KIT: variants seen among roughly 807,000 people sequenced by gnomAD.
KIT encodes the protein KIT proto-oncogene, receptor tyrosine kinase.
A neutral mutation model predicts 105.7 loss-of-function variants in KIT; 16 were observed. The ratio of observed to expected loss-of-function variants is 0.15; its 90% CI spans 0.10 to 0.23. KIT has a LOEUF of 0.23. KIT is among the 10% of genes least tolerant of loss of function. The pLI, the probability that KIT is intolerant of heterozygous loss-of-function variation, is 1.00. For synonymous variants in KIT, 438 were observed against 441.1 expected (o/e 0.99, Z 0.09); for missense variants, 858 against 1,213.8 (o/e 0.71, Z 4.36).
intron 2 of KIT, chr4:54,696,000 C>G: frequency 1.7e-6 from 1 of 601,178 alleles, no homozygotes; most frequent in Non-Finnish European, 2.9e-6. Context: ...GACTGTGATA[C>G]TCTTCCTAAT....
chr4:54,689,552 AT>A (rs1719549087), intron 1 of KIT, among the ~76,000 whole-genome samples: 1 of 152,218 alleles, frequency 6.6e-6, no homozygotes, highest in South Asian at 2.1e-4. Context: ...GAAGCAATTA[AT>A]TTTTTAATGA....
intron 7 of KIT, among the ~76,000 whole-genome samples, chr4:54,720,290 CA>C (rs1470437521): frequency 2.6e-5 from 4 of 152,132 alleles, no homozygotes; most frequent in African/African-American, 4.8e-5. Context: ...GCCAGCAGGA[CA>C]AAAGCTGCTC....
chr4:54,723,606 C>T lies in KIT; in HGVS notation c.1254C>T (p.Tyr418=), dbSNP rs1553891002. The T allele has an allele frequency of 6.2e-7, 1 of 1,613,836 alleles. No individual in the cohort carries two copies. Residue 418 remains tyrosine (Y), a synonymous_variant, in exon 8 of 21, where the codon TAC becomes TAT. Coordinates refer to ENST00000288135, the MANE Select transcript of KIT (RefSeq NM_000222.3). ...TAGCAAAACCAGAAATCCTGACTTA[C>T]GACAGGCTCGTGAATGGCATGCTCC... ...YVNTKPEILT[Y]DRLVNGMLQC...
intron 1 of KIT, among the ~76,000 whole-genome samples, chr4:54,691,603 G>C (rs930118421): frequency 1.3e-5 from 2 of 152,136 alleles, no homozygotes; most frequent in Non-Finnish European, 2.9e-5. Context: ...TTAACCCCAT[G>C]GCAGTTCCTT....
At position 54,668,938 on chromosome 4, in the gene KIT, G is replaced by T. The variant is rs529712498; in HGVS notation, c.67+10857G>T. 2.0e-5 allele frequency among the ~76,000 whole-genome samples: 3 copies of T among 152,246 alleles called. No individual in the cohort carries two copies. The East Asian group carries it at 5.8e-4, about 29-fold the overall frequency. ...TTTTAGTGGCTGATGTTGAAAGAAG[G>T]TACCTTAGAAAGATTTTCCATTTAA... On this transcript the variant is annotated intron_variant, in intron 1 of 20. Transcript: ENST00000288135.
chr4:54,713,307 A>C (rs1018367384), intron 7 of KIT, among the ~76,000 whole-genome samples: 2 of 151,512 alleles, frequency 1.3e-5, no homozygotes, highest in Admixed American at 1.3e-4. Flanking sequence ...TGTCATTCTC[A>C]TGATTTTGCA....
rs559259822 is a variant in KIT, at chr4:54,664,505, C to T, written c.67+6424C>T. 2.6e-5 allele frequency among the ~76,000 whole-genome samples: 4 copies of T among 152,250 alleles called. No individual in the cohort carries two copies. The East Asian group carries it at 7.7e-4, about 29-fold the overall frequency. On this transcript the variant is annotated intron_variant, in intron 1 of 20. Transcript: ENST00000288135. ...AGCCTGTTCCAATAGTCTGACGAAG[C>T]GAGAGGCCAAGCCCTGCCTTAAAAC...
intron 7 of KIT, among the ~76,000 whole-genome samples, chr4:54,720,362 G>A (rs921293781): frequency 6.6e-6 from 1 of 152,128 alleles, no homozygotes; most frequent in African/African-American, 2.4e-5. Context: ...TTAATTAACC[G>A]GCACATGGGA....
intron 5 of KIT, 116 bp downstream of exon 5, chr4:54,704,008 A>G: frequency 2.1e-6 from 2 of 936,656 alleles, no homozygotes; most frequent in Non-Finnish European, 3.5e-6. Flanking sequence ...TTTTGTTATC[A>G]CTGAATGAAT....
intron 1 of KIT, among the ~76,000 whole-genome samples, chr4:54,665,705 A>G (rs998363356): frequency 6.6e-6 from 1 of 152,094 alleles, no homozygotes; most frequent in Non-Finnish European, 1.5e-5. Context: ...TGAGGGAGAG[A>G]ATATGATGTT....
intron 7 of KIT, among the ~76,000 whole-genome samples, chr4:54,715,866 A>G (rs1411002601): frequency 6.6e-6 from 1 of 152,192 alleles, no homozygotes; most frequent in Non-Finnish European, 1.5e-5. Flanking sequence ...AGAGTAAAAT[A>G]ATAACGGCAG....
At chr4:54,702,736 A>G (rs1720532125) in intron 4 of KIT, among the ~76,000 whole-genome samples, 2 of 152,186 alleles carry the variant, frequency 1.3e-5, no homozygotes, top group African/African-American at 4.8e-5. Flanking sequence ...AATTTGCTGC[A>G]GTTGATCAGA....
At chr4:54,729,523 G>T (rs768044806) in intron 14 of KIT, 38 bp downstream of exon 14, 2 of 1,603,316 alleles carry the variant, frequency 1.2e-6, no homozygotes, top group Non-Finnish European at 1.7e-6. Context: ...CTGTTGACAG[G>T]CAGTTCATGG....
At chr4:54,681,007 G>A (rs928068716) in intron 1 of KIT, among the ~76,000 whole-genome samples, 1 of 152,130 alleles carries the variant, frequency 6.6e-6, no homozygotes, top group Non-Finnish European at 1.5e-5. Flanking sequence ...AGGTCTTGGG[G>A]GGGTGAAGTC....
intron 1 of KIT, among the ~76,000 whole-genome samples, chr4:54,674,601 C>T (rs1718335523): frequency 6.6e-6 from 1 of 152,166 alleles, no homozygotes; most frequent in Non-Finnish European, 1.5e-5. Context: ...TCAATGAAAT[C>T]TGGATAAAGT....
chr4:54,733,108 TACTC>T lies in KIT; in HGVS notation c.2402_2405del (p.Thr801MetfsTer12). 6.2e-7 allele frequency: 1 copy of T among 1,611,950 alleles called. No homozygotes were observed. The highest frequency in any genetic ancestry group is 8.5e-7 in the Non-Finnish European group (1 of 1,178,218). ...ACTTGGCAGCCAGAAATATCCTCCT[TACTC>T]ATGGTCGGATCACAAAGATTTGTGA... On this transcript the variant is annotated frameshift_variant, in exon 17 of 21. Transcript: ENST00000288135. LOFTEE classifies it high-confidence loss of function.
Position 54,658,070 on chromosome 4 carries a change from G to T in KIT, c.56G>T (p.Arg19Leu), listed in dbSNP as rs747253141. 1 of 1,613,854 alleles carries T rather than the reference G, an allele frequency of 6.2e-7. No individual in the cohort carries two copies. ...DFLCVLLLLLRVQTGSSQPSV... is the reference protein window; with the variant it reads ...DFLCVLLLLLLVQTGSSQPSV... ...CTCTGCGTTCTGCTCCTACTGCTTC[G>T]CGTCCAGACAGGTGGGACACCGCGG... The change falls in exon 1 of 21, where the codon CGC becomes CTC. Residue 19 changes from arginine (R) to leucine (L), a missense_variant. Physicochemically the swap from Arg to Leu is moderately radical, Grantham distance 102 (BLOSUM62 -2). Transcript: ENST00000288135.
intron 7 of KIT, among the ~76,000 whole-genome samples, chr4:54,712,287 A>T (rs770555954): frequency 6.6e-6 from 1 of 152,248 alleles, no homozygotes. Flanking sequence ...TTCAATAGAT[A>T]TAACAATTAC....
chr4:54,692,935 G>A (rs980446980), intron 1 of KIT, among the ~76,000 whole-genome samples: 3 of 152,184 alleles, frequency 2.0e-5, no homozygotes, highest in Non-Finnish European at 4.4e-5. Flanking sequence ...AACAGGAATT[G>A]AGACTGGTCA....
Sources: gnomAD v4.1 joint callset for allele counts (sites outside exome capture counted in the v4.1 genomes callset) on GRCh38, gnomAD v4.1.1 for gene constraint, MANE v1.5 for transcripts, NCBI Gene and HGNC (gene_info 2026-07-23, HGNC 2026-07-21) for gene names.